Variants in RIC8B observed in about 807,000 individuals in gnomAD.
RIC8B encodes chaperone Ric-8B.
RIC8B carries 16 observed loss-of-function variants against 57.5 expected under a neutral mutation model. The observed-to-expected ratio is 0.28, with a 90% CI of 0.19 to 0.42. The LOEUF is 0.42. RIC8B is among the 10% of genes least tolerant of loss of function. RIC8B has a pLI of 1.00. For missense variants in RIC8B, 481 were observed against 677.0 expected (o/e 0.71, Z 3.21); for synonymous variants, 216 against 250.8 (o/e 0.86, Z 1.31).
At chr12:106,809,459 G>T (rs1256601389) in intron 2 of RIC8B, among the ~76,000 whole-genome samples, 1 of 149,526 alleles carries the variant, frequency 6.7e-6, no homozygotes, top group Admixed American at 6.7e-5. Flanking sequence ...GAAGGCGGAG[G>T]TTACAGTGAG....
chr12:106,853,413 A>G (rs1469423585), intron 7 of RIC8B, among the ~76,000 whole-genome samples: 2 of 140,190 alleles, frequency 1.4e-5, no homozygotes, highest in Middle Eastern at 3.6e-3. Context: ...TTAGCAGATA[A>G]TATATTTTTA....
chr12:106,875,865 G>A (rs1304109450), intron 9 of RIC8B, among the ~76,000 whole-genome samples: 1 of 152,044 alleles, frequency 6.6e-6, no homozygotes, highest in African/African-American at 2.4e-5. Context: ...TATAGGATTA[G>A]TTCCCTTTAA....
intron 2 of RIC8B, among the ~76,000 whole-genome samples, chr12:106,797,192 A>G (rs990907665): frequency 1.3e-5 from 2 of 152,222 alleles, no homozygotes; most frequent in African/African-American, 4.8e-5. Flanking sequence ...ACATATCCAC[A>G]TGAAAACTTG....
rs1409029761 is a variant in RIC8B, at chr12:106,867,645, ATTTGT to A, written c.1452-3174_1452-3170del. On this transcript the variant is annotated intron_variant, in intron 8 of 9. Transcript: ENST00000392837. The surrounding 1 kb of genome is among the most constrained non-coding windows in gnomAD (Gnocchi z 4.3). ...CGTCTTTGTTGTCACAATGGCTATTATTTGTTTTCTCTTCCTTTCTGGGTAGGGAA... is the reference window on the plus strand; with the variant it reads ...CGTCTTTGTTGTCACAATGGCTATTATTTCTCTTCCTTTCTGGGTAGGGAA... Among the ~76,000 whole-genome samples, 40 of 152,224 alleles carry A rather than the reference ATTTGT, an allele frequency of 2.6e-4. No homozygotes were observed. Among genetic ancestry groups the A allele is most frequent in the African/African-American group, 9.4e-4 (39 of 41,544 alleles).
intron 9 of RIC8B, chr12:106,874,371 G>T: frequency 1.0e-5 from 8 of 803,976 alleles, no homozygotes; most frequent in Non-Finnish European, 1.5e-5. Flanking sequence ...TCTCAAAAAT[G>T]AAATGGTTTT....
chr12:106,875,486 T>G (rs1410171168), intron 9 of RIC8B, among the ~76,000 whole-genome samples: 1 of 152,126 alleles, frequency 6.6e-6, no homozygotes, highest in African/African-American at 2.4e-5. Flanking sequence ...TAGTGGTGCC[T>G]CCTCTAGAAA....
chr12:106,793,293 G>A (rs1355722420), intron 2 of RIC8B, among the ~76,000 whole-genome samples: 1 of 152,162 alleles, frequency 6.6e-6, no homozygotes, highest in Non-Finnish European at 1.5e-5. Context: ...TCAGCACCAG[G>A]GCTCAGAAAT....
chr12:106,839,612 G>T (rs868736478), intron 4 of RIC8B, among the ~76,000 whole-genome samples: 2 of 152,210 alleles, frequency 1.3e-5, no homozygotes. Context: ...GAGATCTCCT[G>T]TGTAGCAGAG....
intron 9 of RIC8B, among the ~76,000 whole-genome samples, chr12:106,875,087 C>G (rs1383123626): frequency 6.6e-6 from 1 of 152,052 alleles, no homozygotes; most frequent in East Asian, 1.9e-4. Flanking sequence ...TCTGTCAGTT[C>G]CATTTTTTGG....
At position 106,887,609 on chromosome 12, in the gene RIC8B, CAT is replaced by C. The variant is rs1951234626; in HGVS notation, c.*1595_*1596del. On this transcript the variant is annotated 3_prime_UTR_variant, in exon 10 of 10. Transcript: ENST00000392837. ...AACTGAAATTTGCATACGCTTCCAA[CAT>C]GTTTTATTAGCTGGCTTTGAAGCTC... The C allele has an allele frequency of 6.6e-6, 1 of 152,164 alleles. No individual in the cohort carries two copies. Among genetic ancestry groups the C allele is most frequent in the Non-Finnish European group, 1.5e-5 (1 of 68,028 alleles). 9.4% of individuals were successfully genotyped at this position (152,164 alleles called of 1,614,324 possible).
intron 2 of RIC8B, among the ~76,000 whole-genome samples, chr12:106,797,243 T>C (rs1158182931): frequency 6.6e-6 from 1 of 152,204 alleles, no homozygotes; most frequent in Non-Finnish European, 1.5e-5. Context: ...TGCCAAAAGA[T>C]GTAAACATGC....
chr12:106,842,831 A>G lies in RIC8B; in HGVS notation c.1065+14A>G. ...AGAATAGACAAGGTAAGGCTGATAA[A>G]ATGGAAGCCCTGGGAAGATGCTTCC... On this transcript the variant is annotated intron_variant, in intron 5 of 9. Transcript: ENST00000392837. 2.0e-6 allele frequency: 3 copies of G among 1,520,770 alleles called. No individual in the cohort carries two copies. The highest frequency in any genetic ancestry group is 2.7e-6 in the Non-Finnish European group (3 of 1,097,460). The allele number at this position is 1,520,770 out of a possible 1,614,324, so 94.2% of individuals were successfully genotyped here.
At chr12:106,791,545 G>A (rs116316303) in intron 2 of RIC8B, among the ~76,000 whole-genome samples, 2,757 of 152,292 alleles carry the variant, frequency 0.018, 46 homozygotes, top group Middle Eastern at 0.048. Flanking sequence ...AGTTTATGGA[G>A]TGAAATATAT....
chr12:106,815,797 T>C (rs560190352), intron 3 of RIC8B, among the ~76,000 whole-genome samples: 2 of 152,338 alleles, frequency 1.3e-5, no homozygotes, highest in Non-Finnish European at 2.9e-5. Context: ...GGGAGGTTTC[T>C]CTGTAGTGTT....
chr12:106,818,609 G>A lies in RIC8B; in HGVS notation c.741+3305G>A, dbSNP rs1179111105. 7.2e-5 allele frequency among the ~76,000 whole-genome samples: 11 copies of A among 152,026 alleles called. No homozygotes were observed. The South Asian group carries it at 1.0e-3, about 14-fold the overall frequency. On this transcript the variant is annotated intron_variant, in intron 3 of 9. Transcript: ENST00000392837. Reference sequence around the variant, plus strand: ...ACTATGAGTGCAGGCCACCACACTCGGCTAATTGTTTTTTATTCTTTTAAG... The same window carrying A: ...ACTATGAGTGCAGGCCACCACACTCAGCTAATTGTTTTTTATTCTTTTAAG...
At position 106,780,874 on chromosome 12, in the gene RIC8B, G is replaced by C. The variant is rs143321375; in HGVS notation, c.85-3123G>C. Among the ~76,000 whole-genome samples the C allele has an allele frequency of 9.2e-5, 14 of 152,316 alleles. No individual in the cohort carries two copies. In the East Asian group the frequency reaches 1.7e-3, roughly 19 times the overall value. On this transcript the variant is annotated intron_variant, in intron 1 of 9. Coordinates refer to ENST00000392837, the MANE Select transcript of RIC8B (RefSeq NM_001330145.2). ...ACAGTAGTGGCCATTGAACACTACT[G>C]TGTGCAAGGTGCCATGCTTATAAAA...
intron 8 of RIC8B, among the ~76,000 whole-genome samples, chr12:106,870,607 G>A (rs759760646): frequency 2.0e-4 from 30 of 150,494 alleles, no homozygotes; most frequent in Non-Finnish European, 3.8e-4. Context: ...GACAGTTTTC[G>A]TTTTTTAAAA....
At chr12:106,790,517 C>T (rs2136192334) in intron 2 of RIC8B, among the ~76,000 whole-genome samples, 1 of 152,194 alleles carries the variant, frequency 6.6e-6, no homozygotes, top group Non-Finnish European at 1.5e-5. Flanking sequence ...TATTCTGTAC[C>T]TAAATTGGTA....
intron 7 of RIC8B, among the ~76,000 whole-genome samples, chr12:106,856,535 C>T (rs1367164618): frequency 6.6e-6 from 1 of 152,144 alleles, no homozygotes; most frequent in East Asian, 1.9e-4. Context: ...GTTACCATGG[C>T]GAGCTTTACT....
Sources: allele counts gnomAD v4.1 joint callset (sites outside exome capture counted in the v4.1 genomes callset), GRCh38; gene constraint gnomAD v4.1.1; non-coding constraint Gnocchi (gnomAD v3.1); transcripts MANE v1.5; gene names NCBI Gene and HGNC (gene_info 2026-07-23, HGNC 2026-07-21).